Variants in AP3B1 observed in about 807,000 individuals in gnomAD.
AP3B1 encodes adaptor related protein complex 3 subunit beta 1, also known as AP-3 complex subunit beta-1.
AP3B1 carries 61 observed loss-of-function variants against 132.5 expected under a neutral mutation model. That is an observed-to-expected ratio of 0.46 (90% CI 0.37 to 0.57). AP3B1 has a LOEUF of 0.57. AP3B1 is among the 20% of genes least tolerant of loss of function. The pLI is 0.00. For synonymous variants in AP3B1, 388 were observed against 438.3 expected (o/e 0.89, Z 1.43); for missense variants, 1,120 against 1,289.4 (o/e 0.87, Z 2.01).
At chr5:78,263,983 A>G (rs1051786941) in intron 2 of AP3B1, among the ~76,000 whole-genome samples, 1 of 152,212 alleles carries the variant, frequency 6.6e-6, no homozygotes, top group Non-Finnish European at 1.5e-5. Context: ...TCAGTACAGT[A>G]ACATGCTGTA....
At position 78,256,251 on chromosome 5, in the gene AP3B1, A is replaced by C. The variant is rs184141719; in HGVS notation, c.204+11269T>G. Among the ~76,000 whole-genome samples the C allele has an allele frequency of 1.1e-4, 16 of 152,178 alleles. No homozygotes were observed. In the East Asian group the frequency reaches 2.9e-3, roughly 27 times the overall value. Reference sequence around the variant, plus strand: ...ACAAAAAGCTTTTTTTGAAAAGTTAAACAAAATTGACAAACCATCAGCCAG... The same window carrying C: ...ACAAAAAGCTTTTTTTGAAAAGTTACACAAAATTGACAAACCATCAGCCAG... On this transcript the variant is annotated intron_variant, in intron 2 of 26. Transcript: ENST00000255194.
At chr5:78,212,514 A>G (rs1236765294) in intron 7 of AP3B1, among the ~76,000 whole-genome samples, 1 of 152,148 alleles carries the variant, frequency 6.6e-6, no homozygotes, top group East Asian at 1.9e-4. Flanking sequence ...TCAAGGTAAA[A>G]TGGCCCTTAA....
intron 7 of AP3B1, among the ~76,000 whole-genome samples, chr5:78,192,280 T>C (rs1744873876): frequency 6.6e-6 from 1 of 152,054 alleles, no homozygotes; most frequent in Non-Finnish European, 1.5e-5. Flanking sequence ...AGAAAATGAA[T>C]TTGGCAGATG....
At chr5:78,038,754 C>T (rs1020322631) in intron 23 of AP3B1, among the ~76,000 whole-genome samples, 1 of 152,158 alleles carries the variant, frequency 6.6e-6, no homozygotes, top group African/African-American at 2.4e-5. Context: ...GGAAAGGTGA[C>T]ACAGGTAAGT....
intron 22 of AP3B1, among the ~76,000 whole-genome samples, chr5:78,059,302 C>T (rs1748943389): frequency 6.6e-6 from 1 of 152,144 alleles, no homozygotes; most frequent in African/African-American, 2.4e-5. Context: ...TGGATTTTCC[C>T]CTAGAGCTCC....
At chr5:78,287,610 T>C (rs1214728470) in intron 1 of AP3B1, among the ~76,000 whole-genome samples, 1 of 152,156 alleles carries the variant, frequency 6.6e-6, no homozygotes, top group Non-Finnish European at 1.5e-5. Flanking sequence ...CAAAAACAAC[T>C]AGTTCAGCTG....
At chr5:78,191,372 A>C (rs1368714477) in intron 7 of AP3B1, among the ~76,000 whole-genome samples, 1 of 149,880 alleles carries the variant, frequency 6.7e-6, no homozygotes, top group African/African-American at 2.5e-5. Context: ...AAAAAAAAAA[A>C]AAAAAGGATG....
chr5:78,019,583 A>G (rs187258126), intron 25 of AP3B1, among the ~76,000 whole-genome samples: 2 of 152,236 alleles, frequency 1.3e-5, no homozygotes, highest in African/African-American at 4.8e-5. Context: ...CACAAAGATA[A>G]TTTTCCTCTA....
At chr5:78,015,865 G>T in intron 25 of AP3B1, 1 of 282,534 alleles carries the variant, frequency 3.5e-6, no homozygotes, top group South Asian at 3.8e-5. Context: ...TACTCAATCT[G>T]GGGTTTATGT....
At chr5:78,014,566 G>GT (rs1400296164) in intron 26 of AP3B1, among the ~76,000 whole-genome samples, 2 of 152,076 alleles carry the variant, frequency 1.3e-5, no homozygotes, top group South Asian at 2.1e-4. Flanking sequence ...TTAAAAAAAT[G>GT]TTTTTTAAGG....
At chr5:78,150,834 G>A (rs972183670) in intron 14 of AP3B1, among the ~76,000 whole-genome samples, 9 of 151,888 alleles carry the variant, frequency 5.9e-5, no homozygotes, top group East Asian at 3.9e-4. Flanking sequence ...TGGATACCCT[G>A]CACTTAGATT....
chr5:78,162,788 A>G (rs757870845), intron 13 of AP3B1, 31 bp downstream of exon 13: 1 of 1,610,920 alleles, frequency 6.2e-7, no homozygotes, highest in East Asian at 2.2e-5. Flanking sequence ...AATTTAAATC[A>G]CCTGAAAATA....
At chr5:78,076,947 C>A (rs1749792600) in intron 22 of AP3B1, among the ~76,000 whole-genome samples, 1 of 152,148 alleles carries the variant, frequency 6.6e-6, no homozygotes, top group Admixed American at 6.5e-5. Context: ...ATCCTAAGCA[C>A]AGTGCTTTTC....
At chr5:78,112,318 C>CA (rs34356429) in intron 19 of AP3B1, among the ~76,000 whole-genome samples, 6 of 151,924 alleles carry the variant, frequency 3.9e-5, no homozygotes, top group Admixed American at 2.0e-4. Flanking sequence ...TTTTCCCTGG[C>CA]AAAAAAATGG....
At position 78,013,872 on chromosome 5, in the gene AP3B1, A is replaced by T. The variant is rs150616135; in HGVS notation, c.3131+1538T>A. Among the ~76,000 whole-genome samples, 19 of 152,270 alleles carry T rather than the reference A, an allele frequency of 1.2e-4. 1 individual carries two copies. In the East Asian group the frequency reaches 3.7e-3, roughly 29 times the overall value. ...TAGATAGAGCTTGTCAAAAACTAAG[A>T]AATGAAAGACACCGGGCGCGGTGGC... On this transcript the variant is annotated intron_variant, in intron 26 of 26. Coordinates refer to ENST00000255194, the MANE Select transcript of AP3B1 (RefSeq NM_003664.5).
chr5:78,211,346 T>C (rs1283793477), intron 7 of AP3B1, among the ~76,000 whole-genome samples: 1 of 152,212 alleles, frequency 6.6e-6, no homozygotes, highest in Non-Finnish European at 1.5e-5. Context: ...TTGATATGAC[T>C]GCAATCTACT....
intron 7 of AP3B1, among the ~76,000 whole-genome samples, chr5:78,198,181 G>A (rs1164850418): frequency 1.3e-5 from 2 of 152,142 alleles, no homozygotes; most frequent in South Asian, 2.1e-4. Context: ...AGCCTGAAGG[G>A]TGCTAGTGCC....
At chr5:78,191,609 T>C (rs1744838201) in intron 7 of AP3B1, among the ~76,000 whole-genome samples, 1 of 152,096 alleles carries the variant, frequency 6.6e-6, no homozygotes, top group Non-Finnish European at 1.5e-5. Flanking sequence ...AGGTGATAAG[T>C]GAACTCAAGA....
intron 17 of AP3B1, among the ~76,000 whole-genome samples, chr5:78,123,969 C>G (rs1752349088): frequency 6.6e-6 from 1 of 152,196 alleles, no homozygotes; most frequent in Admixed American, 6.5e-5. Context: ...CAACGACAGA[C>G]TGGATTAAGA....
Sources: allele counts gnomAD v4.1 joint callset (sites outside exome capture counted in the v4.1 genomes callset), GRCh38; gene constraint gnomAD v4.1.1; transcripts MANE v1.5; gene names NCBI Gene and HGNC (gene_info 2026-07-23, HGNC 2026-07-21).